Variants in NEDD4 observed in about 807,000 individuals in gnomAD.
NEDD4 encodes the protein E3 ubiquitin-protein ligase NEDD4.
In NEDD4, 99 loss-of-function variants were observed where a neutral mutation model predicts 144.9. That is an observed-to-expected ratio of 0.68 (90% confidence interval 0.58 to 0.81). The LOEUF (loss-of-function observed/expected upper bound fraction) is 0.81. NEDD4 is among the 30% of genes least tolerant of loss of function. NEDD4 has a pLI of 0.00. For synonymous variants in NEDD4, 318 were observed against 350.6 expected (o/e 0.91, Z 1.04); for missense variants, 985 against 1,065.9 (o/e 0.92, Z 1.06).
intron 5 of NEDD4, among the ~76,000 whole-genome samples, chr15:55,912,874 T>C (rs1399100007): frequency 2.6e-5 from 4 of 152,158 alleles, no homozygotes; most frequent in African/African-American, 9.7e-5. Flanking sequence ...GTTATGTTGT[T>C]TGCTATGCCT....
In NEDD4 at chr15:55,830,135, G is replaced by A. The variant is rs2032877819; in HGVS notation, c.2601-136C>T. ...ATATGTCTTTTCACCAGGGGTAGAA[G>A]TAAGACGTAGGACTGGGTTCTGGGC... On this transcript the variant is annotated intron_variant, in intron 28 of 28. Coordinates refer to ENST00000435532, the MANE Select transcript of NEDD4 (RefSeq NM_006154.4). 4 of 662,492 alleles carry A rather than the reference G, an allele frequency of 6.0e-6. 1 individual carries two copies. The highest frequency in any genetic ancestry group is 5.7e-5 in the South Asian group (3 of 52,200). 41.0% of individuals were successfully genotyped at this position (662,492 alleles called of 1,614,324 possible). A position where few individuals can be genotyped will look rare whatever the true frequency, so the allele number is the denominator to read the frequency against.
At chr15:55,984,708 T>C (rs1160317055) in intron 1 of NEDD4, among the ~76,000 whole-genome samples, 2 of 152,214 alleles carry the variant, frequency 1.3e-5, no homozygotes, top group Non-Finnish European at 2.9e-5. Flanking sequence ...TGCTTTTTGT[T>C]TGTGCTGTGC....
intron 5 of NEDD4, among the ~76,000 whole-genome samples, chr15:55,899,200 CTCTT>C (rs1254580695): frequency 5.8e-4 from 89 of 152,226 alleles, no homozygotes; most frequent in African/African-American, 2.1e-3. Flanking sequence ...TTCTCTCTCT[CTCTT>C]TTTCAAACCT....
intron 5 of NEDD4, among the ~76,000 whole-genome samples, chr15:55,920,487 T>TACC (rs1458402942): frequency 6.6e-6 from 1 of 152,104 alleles, no homozygotes; most frequent in Non-Finnish European, 1.5e-5. Context: ...TTGCCACCAC[T>TACC]ACCACCACCA....
chr15:55,854,009 G>C (rs2034094890), intron 12 of NEDD4, among the ~76,000 whole-genome samples: 1 of 151,884 alleles, frequency 6.6e-6, no homozygotes, highest in Non-Finnish European at 1.5e-5. Flanking sequence ...GAAATTAGCT[G>C]GGCATGGTGG....
chr15:55,989,139 T>C (rs1260911416), intron 1 of NEDD4, among the ~76,000 whole-genome samples: 1 of 152,222 alleles, frequency 6.6e-6, no homozygotes, highest in East Asian at 1.9e-4. Context: ...TGGAGGGTGA[T>C]GCAGGAAAAT....
intron 5 of NEDD4, among the ~76,000 whole-genome samples, chr15:55,885,916 T>TAA (rs139880232): frequency 1.4e-5 from 2 of 145,464 alleles, no homozygotes; most frequent in South Asian, 4.3e-4. Flanking sequence ...TGAATAGATT[T>TAA]AAAAAAAAAA....
chr15:55,855,567 G>C (rs891789407), intron 12 of NEDD4, among the ~76,000 whole-genome samples: 1 of 152,232 alleles, frequency 6.6e-6, no homozygotes, highest in Non-Finnish European at 1.5e-5. Flanking sequence ...GTTAGGAAGA[G>C]GATGGAGGCA....
intron 18 of NEDD4, among the ~76,000 whole-genome samples, chr15:55,845,817 A>T (rs1555393713): frequency 6.9e-6 from 1 of 143,974 alleles, no homozygotes; most frequent in African/African-American, 2.6e-5. Context: ...TTTTTGAGAC[A>T]CTCTGTTGCC....
intron 1 of NEDD4, among the ~76,000 whole-genome samples, chr15:55,978,119 T>C (rs1168667418): frequency 2.0e-5 from 3 of 152,144 alleles, no homozygotes; most frequent in Non-Finnish European, 4.4e-5. Flanking sequence ...CTCCTGATAT[T>C]AAAAACCATC....
intron 1 of NEDD4, among the ~76,000 whole-genome samples, chr15:55,988,487 T>TAAAAAA (rs56688563): frequency 2.1e-4 from 21 of 101,666 alleles, no homozygotes; most frequent in East Asian, 5.7e-4. Context: ...AAAAAAAAAT[T>TAAAAAA]AAAAAAAAAA....
chr15:55,925,632 T>G (rs1373670431), intron 4 of NEDD4, among the ~76,000 whole-genome samples: 1 of 152,206 alleles, frequency 6.6e-6, no homozygotes, highest in African/African-American at 2.4e-5. Flanking sequence ...ATATATTATA[T>G]TGAACACTGT....
chr15:55,884,175 T>C (rs894241212), intron 5 of NEDD4, among the ~76,000 whole-genome samples: 2 of 152,138 alleles, frequency 1.3e-5, no homozygotes, highest in African/African-American at 4.8e-5. Flanking sequence ...CCACCATGCC[T>C]GGTCCCAAGG....
chr15:55,915,778 T>C lies in NEDD4; in HGVS notation c.291+8868A>G, dbSNP rs1342272130. 5 of 1,613,670 alleles carry C rather than the reference T, an allele frequency of 3.1e-6. No homozygotes were observed. In the South Asian group the frequency reaches 4.4e-5, roughly 14 times the overall value. On this transcript the variant is annotated intron_variant, in intron 5 of 28. Coordinates refer to ENST00000435532, the MANE Select transcript of NEDD4 (RefSeq NM_006154.4). ...GTATTATTCGAAAGAACAATTTTCT[T>C]CTGTAACGAGCCCTTCCTGTGAAGC...
intron 4 of NEDD4, among the ~76,000 whole-genome samples, chr15:55,926,825 C>G (rs1677408120): frequency 6.6e-6 from 1 of 152,078 alleles, no homozygotes; most frequent in African/African-American, 2.4e-5. Context: ...CCTGTAATCC[C>G]AGCACTTAAG....
At chr15:55,877,249 T>G in intron 5 of NEDD4, among the ~76,000 whole-genome samples, 1 of 152,228 alleles carries the variant, frequency 6.6e-6, no homozygotes, top group East Asian at 1.9e-4. Flanking sequence ...TCCTGTCTAT[T>G]TAATTTCTTT....
At chr15:55,836,371 C>CACAT (rs2033197285) in intron 24 of NEDD4, among the ~76,000 whole-genome samples, 1 of 122,548 alleles carries the variant, frequency 8.2e-6, no homozygotes, top group Non-Finnish European at 1.8e-5. Context: ...CACACACACA[C>CACAT]ACTTTAGAGA....
At chr15:55,892,497 C>T (rs1435332639) in intron 5 of NEDD4, among the ~76,000 whole-genome samples, 1 of 151,558 alleles carries the variant, frequency 6.6e-6, no homozygotes, top group African/African-American at 2.4e-5. Context: ...AAATTTTATA[C>T]CTGAATATTA....
intron 1 of NEDD4, among the ~76,000 whole-genome samples, chr15:55,978,986 CTT>C (rs1258505745): frequency 4.7e-5 from 7 of 150,440 alleles, no homozygotes; most frequent in Non-Finnish European, 7.4e-5. Flanking sequence ...TCTCACAAGT[CTT>C]GAGAGATTTT....
Sources: gnomAD v4.1 joint callset for allele counts (sites outside exome capture counted in the v4.1 genomes callset) on GRCh38, gnomAD v4.1.1 for gene constraint, MANE v1.5 for transcripts, NCBI Gene and HGNC (gene_info 2026-07-23, HGNC 2026-07-21) for gene names.